Variants in KSR2 observed in about 807,000 individuals in gnomAD.
KSR2 encodes the protein kinase suppressor of ras 2.
KSR2 carries 25 observed loss-of-function variants against 107.8 expected under a neutral mutation model. That is an observed-to-expected ratio of 0.23 (90% CI 0.17 to 0.32). KSR2 has a LOEUF of 0.32. KSR2 is among the 10% of genes least tolerant of loss of function. The pLI is 1.00. For missense variants in KSR2, 887 were observed against 1,268.9 expected (o/e 0.70, Z 4.57); for synonymous variants, 480 against 507.0 (o/e 0.95, Z 0.71).
chr12:117,511,236 C>CT lies in KSR2; in HGVS notation c.2219+13615dup, dbSNP rs1247900504. Among the ~76,000 whole-genome samples, 52 of 152,370 alleles carry CT rather than the reference C, an allele frequency of 3.4e-4. 1 individual carries two copies. Among genetic ancestry groups the CT allele is most frequent in the African/African-American group, 1.2e-3 (51 of 41,590 alleles). ...TCCTGATGATCCACAAGGCCAGGCA[C>CT]TGGCGGACACACAGGTGCTCAACTC... On this transcript the variant is annotated intron_variant, in intron 14 of 19. Transcript: ENST00000339824.
intron 1 of KSR2, chr12:117,891,054 C>G (rs1894326365): frequency 6.6e-6 from 1 of 152,168 alleles, no homozygotes; most frequent in African/African-American, 2.4e-5. Context: ...GACAAAAAAA[C>G]ATAAGTGAAA....
At chr12:117,811,060 G>A (rs1481198851) in intron 3 of KSR2, among the ~76,000 whole-genome samples, 1 of 152,178 alleles carries the variant, frequency 6.6e-6, no homozygotes, top group Non-Finnish European at 1.5e-5. Flanking sequence ...ACCAATGCCT[G>A]GGTCTCGGAT....
chr12:117,790,578 C>T (rs1347368893), intron 3 of KSR2, among the ~76,000 whole-genome samples: 1 of 152,308 alleles, frequency 6.6e-6, no homozygotes, highest in Middle Eastern at 3.4e-3. Flanking sequence ...TTCAACAGAA[C>T]TGTTTTAGGG....
At chr12:117,838,502 A>G (rs1223593243) in intron 3 of KSR2, among the ~76,000 whole-genome samples, 1 of 152,184 alleles carries the variant, frequency 6.6e-6, no homozygotes, top group Admixed American at 6.5e-5. Context: ...GGTGAAACTG[A>G]TGTGGGTTTG....
At chr12:117,963,290 T>C (rs986951738) in intron 1 of KSR2, among the ~76,000 whole-genome samples, 4 of 152,070 alleles carry the variant, frequency 2.6e-5, no homozygotes, top group Non-Finnish European at 4.4e-5. Context: ...AATTGCAGGG[T>C]CCACAAAGCC....
intron 3 of KSR2, among the ~76,000 whole-genome samples, chr12:117,804,454 A>T (rs755817487): frequency 3.9e-5 from 6 of 152,196 alleles, no homozygotes; most frequent in Non-Finnish European, 7.3e-5. Context: ...TTTAAGAAAA[A>T]GTTAGCTCAC....
At chr12:117,644,811 G>A (rs1163681162) in intron 5 of KSR2, among the ~76,000 whole-genome samples, 1 of 152,162 alleles carries the variant, frequency 6.6e-6, no homozygotes, top group Non-Finnish European at 1.5e-5. Context: ...CACTCCATGG[G>A]GGGACAAACA....
At chr12:117,540,677 A>G (rs1342447622) in intron 9 of KSR2, among the ~76,000 whole-genome samples, 1 of 151,238 alleles carries the variant, frequency 6.6e-6, no homozygotes, top group East Asian at 1.9e-4. Context: ...TATGGAGAGG[A>G]AAGTCATGTG....
At chr12:117,551,885 G>C (rs1258509295) in intron 9 of KSR2, among the ~76,000 whole-genome samples, 1 of 152,174 alleles carries the variant, frequency 6.6e-6, no homozygotes, top group Non-Finnish European at 1.5e-5. Context: ...CAATGTCACA[G>C]TCACTGATCT....
intron 1 of KSR2, among the ~76,000 whole-genome samples, chr12:117,917,921 T>A (rs1487574467): frequency 6.6e-6 from 1 of 152,168 alleles, no homozygotes; most frequent in Non-Finnish European, 1.5e-5. Context: ...ATAACTGGCT[T>A]CTCTTGAAAA....
intron 14 of KSR2, among the ~76,000 whole-genome samples, chr12:117,504,806 C>T (rs1381825614): frequency 6.6e-6 from 1 of 152,164 alleles, no homozygotes; most frequent in African/African-American, 2.4e-5. Flanking sequence ...TTTTTGGTTG[C>T]ATGTATGTAT....
At chr12:117,787,356 G>A (rs2136962733) in intron 3 of KSR2, among the ~76,000 whole-genome samples, 1 of 152,320 alleles carries the variant, frequency 6.6e-6, no homozygotes, top group East Asian at 1.9e-4. Context: ...CAGTAGGCCA[G>A]GAGCAGTGGC....
At chr12:117,885,281 G>C (rs1363412482) in intron 1 of KSR2, among the ~76,000 whole-genome samples, 1 of 152,192 alleles carries the variant, frequency 6.6e-6, no homozygotes, top group African/African-American at 2.4e-5. Flanking sequence ...TACGTAGAAG[G>C]CATGACGCCA....
chr12:117,859,463 T>G (rs1315382015), intron 2 of KSR2, among the ~76,000 whole-genome samples: 1 of 73,340 alleles, frequency 1.4e-5, no homozygotes, highest in African/African-American at 7.4e-5. Flanking sequence ...TTTTATTTAT[T>G]TTTTTTTTTT....
At chr12:117,808,695 C>T (rs1480944531) in intron 3 of KSR2, among the ~76,000 whole-genome samples, 1 of 152,132 alleles carries the variant, frequency 6.6e-6, no homozygotes, top group East Asian at 1.9e-4. Context: ...ACTCCTACAC[C>T]CCTCTCCTCT....
intron 4 of KSR2, among the ~76,000 whole-genome samples, chr12:117,736,350 G>T (rs913235925): frequency 3.9e-5 from 6 of 152,130 alleles, no homozygotes; most frequent in African/African-American, 1.4e-4. Flanking sequence ...GGAGGAATTT[G>T]CCTGTCTGTC....
intron 4 of KSR2, among the ~76,000 whole-genome samples, chr12:117,682,083 C>T (rs12308337): frequency 0.088 from 13,381 of 152,136 alleles, 742 homozygotes; most frequent in African/African-American, 0.16. Context: ...GAATACCATG[C>T]AGCCATAAAA....
intron 4 of KSR2, among the ~76,000 whole-genome samples, chr12:117,714,785 C>T (rs1886915987): frequency 6.6e-6 from 1 of 152,188 alleles, no homozygotes; most frequent in Non-Finnish European, 1.5e-5. Context: ...GGCAGGAGTG[C>T]AACCGTCATC....
At chr12:117,814,591 AAAG>A (rs892033367) in intron 3 of KSR2, among the ~76,000 whole-genome samples, 5 of 152,268 alleles carry the variant, frequency 3.3e-5, no homozygotes, top group Non-Finnish European at 7.4e-5. Flanking sequence ...AACCAGGTAA[AAAG>A]AAGTTCCCTT....
Sources: gnomAD v4.1 joint callset for allele counts (sites outside exome capture counted in the v4.1 genomes callset) on GRCh38, gnomAD v4.1.1 for gene constraint, MANE v1.5 for transcripts, NCBI Gene and HGNC (gene_info 2026-07-23, HGNC 2026-07-21) for gene names.